TLK1: variants seen among roughly 807,000 people sequenced by gnomAD.
The protein encoded by TLK1 is serine/threonine-protein kinase tousled-like 1.
A neutral mutation model predicts 105.3 loss-of-function variants in TLK1; 24 were observed. The ratio of observed to expected loss-of-function variants is 0.23; its 90% confidence interval spans 0.17 to 0.32. The LOEUF (loss-of-function observed/expected upper bound fraction) is 0.32. Ranked by LOEUF, TLK1 falls within the 10% of genes least tolerant of loss-of-function variation. The pLI, the probability that TLK1 is intolerant of heterozygous loss-of-function variation, is 1.00. For missense variants in TLK1, 558 were observed against 910.5 expected (o/e 0.61, Z 4.98); for synonymous variants, 321 against 310.4 (o/e 1.03, Z -0.36).
intron 11 of TLK1, among the ~76,000 whole-genome samples, chr2:171,032,593 A>C (rs994439101): frequency 1.3e-5 from 2 of 152,204 alleles, no homozygotes; most frequent in African/African-American, 4.8e-5. Context: ...GAGTTCAAAA[A>C]GAGTTAATTA....
intron 1 of TLK1, among the ~76,000 whole-genome samples, chr2:171,128,160 T>C (rs895084798): frequency 6.6e-6 from 1 of 152,186 alleles, no homozygotes; most frequent in Non-Finnish European, 1.5e-5. Flanking sequence ...AAATAATTCA[T>C]ATAAGGAGAT....
chr2:171,009,664 T>C lies in TLK1; in HGVS notation c.1416+1709A>G, dbSNP rs146182012. ...GCACCTATGTTCTATATGATTTACA[T>C]GTGATAACTCAGTTAATCACTGCAA... On this transcript the variant is annotated intron_variant, in intron 14 of 20. Transcript: ENST00000431350. Among the ~76,000 whole-genome samples, 7 of 152,296 alleles carry C rather than the reference T, an allele frequency of 4.6e-5. No individual in the cohort carries two copies. The East Asian group carries it at 9.7e-4, about 21-fold the overall frequency.
chr2:171,123,102 A>G (rs1690726821), intron 1 of TLK1, among the ~76,000 whole-genome samples: 1 of 145,656 alleles, frequency 6.9e-6, no homozygotes, highest in Admixed American at 6.8e-5. Flanking sequence ...TTTTTTAATA[A>G]AAGTTTGCTA....
chr2:171,046,622 C>A (rs1179254210), intron 10 of TLK1, among the ~76,000 whole-genome samples: 1 of 152,064 alleles, frequency 6.6e-6, no homozygotes, highest in Non-Finnish European at 1.5e-5. Flanking sequence ...ATCTCCCCAC[C>A]TCACTCTTTC....
intron 1 of TLK1, among the ~76,000 whole-genome samples, chr2:171,186,656 C>G (rs1693030442): frequency 6.6e-6 from 1 of 152,190 alleles, no homozygotes; most frequent in South Asian, 2.1e-4. Context: ...GGCAGAACAC[C>G]TCATCATACT....
Position 171,160,277 on chromosome 2 carries a change from C to T in TLK1, c.139+13G>A, listed in dbSNP as rs750229502. On this transcript the variant is annotated intron_variant, in intron 1 of 20. Coordinates refer to ENST00000431350, the MANE Select transcript of TLK1 (RefSeq NM_012290.5). This position sits in a 1 kb window ranked among gnomAD's most constrained non-coding sequence, Gnocchi z 4.4. ...GGAGGCCCGCGAGCGGGCGCGGGCG[C>T]GGCGGTGCTTACCTTCCCTGGGCCT... 10 of 1,524,620 alleles carry T rather than the reference C, an allele frequency of 6.6e-6. No individual in the cohort carries two copies. The highest frequency in any genetic ancestry group is 2.7e-5 in the East Asian group (1 of 36,620). 94.4% of individuals were successfully genotyped at this position (1,524,620 alleles called of 1,614,324 possible).
At chr2:171,091,109 A>T (rs1689210527) in intron 2 of TLK1, among the ~76,000 whole-genome samples, 1 of 152,222 alleles carries the variant, frequency 6.6e-6, no homozygotes, top group Non-Finnish European at 1.5e-5. Context: ...TCATTTCATT[A>T]CATATGGTAT....
intron 3 of TLK1, among the ~76,000 whole-genome samples, chr2:171,074,504 T>C (rs1688407802): frequency 6.6e-6 from 1 of 151,594 alleles, no homozygotes; most frequent in Admixed American, 6.6e-5. Flanking sequence ...GGTGGGTGCC[T>C]ACAATCCCAG....
intron 3 of TLK1, among the ~76,000 whole-genome samples, chr2:171,072,244 CA>C (rs1221978142): frequency 1.3e-5 from 2 of 152,154 alleles, no homozygotes; most frequent in African/African-American, 2.4e-5. Flanking sequence ...AATATCCTTC[CA>C]TTTTTTTGCA....
At chr2:171,082,717 C>G in intron 3 of TLK1, 64 bp downstream of exon 3, 2 of 1,256,718 alleles carry the variant, frequency 1.6e-6, no homozygotes, top group East Asian at 4.7e-5. Context: ...AAACAAAATA[C>G]TAATTAAAAC....
rs1365666159 is a variant in TLK1 at position 171,082,851 on chromosome 2, G to A, written c.260C>T (p.Ala87Val). ...STGSCSVGAKASTNNESSNHS... is the reference protein window; with the variant it reads ...STGSCSVGAKVSTNNESSNHS... The stretch of plus-strand genomic sequence containing the variant: ...ATTAGAGCTTTCGTTATTTGTTGAG[G>A]CCTGTTAAAGATTTTTTAAAAGGTA... Residue 87 changes from alanine to valine, a missense_variant and splice_region_variant, in exon 3 of 21, where the codon GCC becomes GTC. Ala to Val is a moderately conservative substitution (Grantham distance 64). Around this residue, in one of 5 missense-constraint regions of TLK1, gnomAD observed 104 missense variants for 116.0 expected, o/e 0.90. Coordinates refer to ENST00000431350, the MANE Select transcript of TLK1 (RefSeq NM_012290.5). 1 of 1,600,838 alleles carries A rather than the reference G, an allele frequency of 6.2e-7. No individual in the cohort carries two copies. Among genetic ancestry groups the A allele is most frequent in the Admixed American group, 1.7e-5 (1 of 57,196 alleles).
At chr2:171,230,856 A>T (rs1158866092) in intron 1 of TLK1, among the ~76,000 whole-genome samples, 2 of 152,214 alleles carry the variant, frequency 1.3e-5, no homozygotes, top group East Asian at 3.8e-4. Context: ...GAGTTAGGCA[A>T]AGGAGAAAAT....
chr2:171,133,214 G>C (rs1249159301), intron 1 of TLK1, among the ~76,000 whole-genome samples: 1 of 152,188 alleles, frequency 6.6e-6, no homozygotes, highest in African/African-American at 2.4e-5. Flanking sequence ...GGACATGTTA[G>C]GCAGCCATCC....
At chr2:171,125,718 ATTAT>A (rs1191090513) in intron 1 of TLK1, among the ~76,000 whole-genome samples, 2 of 152,212 alleles carry the variant, frequency 1.3e-5, no homozygotes, top group African/African-American at 2.4e-5. Flanking sequence ...GTCACAAAGA[ATTAT>A]TTATTTTTTA....
chr2:171,078,282 G>A (rs1688602501), intron 3 of TLK1, among the ~76,000 whole-genome samples: 1 of 152,150 alleles, frequency 6.6e-6, no homozygotes. Flanking sequence ...GCTCACACCT[G>A]TAATCCCAGC....
intron 1 of TLK1, among the ~76,000 whole-genome samples, chr2:171,221,626 T>G (rs973952271): frequency 1.3e-5 from 2 of 152,150 alleles, no homozygotes; most frequent in Admixed American, 1.3e-4. Flanking sequence ...CCTTAACGAG[T>G]GACTTAAACA....
At chr2:171,151,906 T>G (rs1016630361) in intron 1 of TLK1, among the ~76,000 whole-genome samples, 1 of 152,152 alleles carries the variant, frequency 6.6e-6, no homozygotes, top group African/African-American at 2.4e-5. Flanking sequence ...AAAGGGAAAT[T>G]TTATATTTTT....
chr2:171,021,039 T>A (rs978768710), intron 12 of TLK1, among the ~76,000 whole-genome samples: 4 of 152,192 alleles, frequency 2.6e-5, no homozygotes, highest in Non-Finnish European at 5.9e-5. Context: ...CTCTACACAC[T>A]TCATTTCCTG....
intron 1 of TLK1, among the ~76,000 whole-genome samples, chr2:171,126,042 T>C (rs546059586): frequency 4.6e-5 from 7 of 152,202 alleles, no homozygotes; most frequent in Non-Finnish European, 1.0e-4. Flanking sequence ...TAAATGTTTA[T>C]AATTTTGAAA....
Sources: gnomAD v4.1 joint callset for allele counts (sites outside exome capture counted in the v4.1 genomes callset) on GRCh38, gnomAD v4.1.1 for gene constraint, gnomAD v4.1.1 regional missense constraint, Gnocchi (gnomAD v3.1) non-coding constraint, MANE v1.5 for transcripts, NCBI Gene and HGNC (gene_info 2026-07-23, HGNC 2026-07-21) for gene names.